NELL2: variants seen among roughly 807,000 people sequenced by gnomAD.
NELL2 encodes the protein neural EGFL like 2.
A neutral mutation model predicts 109.6 loss-of-function variants in NELL2; 41 were observed. That is an observed-to-expected ratio of 0.37 (90% CI 0.29 to 0.49). NELL2 has a LOEUF of 0.49. Among genes scored for constraint, NELL2 ranks in the 20% least tolerant of loss-of-function variants. NELL2 has a pLI of 0.98. For missense variants in NELL2, 900 were observed against 1,008.3 expected (o/e 0.89, Z 1.45); for synonymous variants, 355 against 344.7 (o/e 1.03, Z -0.33).
At chr12:44,704,142 T>A (rs1291829202) in intron 11 of NELL2, among the ~76,000 whole-genome samples, 1 of 151,930 alleles carries the variant, frequency 6.6e-6, no homozygotes, top group East Asian at 1.9e-4. Flanking sequence ...TCCATATATC[T>A]GAAAAAAAGA....
intron 2 of NELL2, among the ~76,000 whole-genome samples, chr12:44,850,372 G>A (rs1944498148): frequency 6.6e-6 from 1 of 152,058 alleles, no homozygotes; most frequent in African/African-American, 2.4e-5. Context: ...GAGATAGAGT[G>A]ACAAGGATGT....
chr12:44,574,594 A>C (rs1943999320), intron 15 of NELL2, among the ~76,000 whole-genome samples: 1 of 152,100 alleles, frequency 6.6e-6, no homozygotes, highest in Non-Finnish European at 1.5e-5. Context: ...TGGAGTTTGG[A>C]GTGATAAAGC....
chr12:44,868,432 T>C (rs368869150), intron 2 of NELL2, among the ~76,000 whole-genome samples: 218 of 152,340 alleles, frequency 1.4e-3, no homozygotes, highest in African/African-American at 5.1e-3. Flanking sequence ...CATTCATCCA[T>C]TGGTGACCAT....
Position 44,867,925 on chromosome 12 carries a change from G to T in NELL2, c.184+7300C>A, listed in dbSNP as rs140362708. Among the ~76,000 whole-genome samples, 740 of 152,024 alleles carry T rather than the reference G, an allele frequency of 4.9e-3. 6 individuals carry two copies. The highest frequency in any genetic ancestry group is 0.017 in the African/African-American group (687 of 41,472). On this transcript the variant is annotated intron_variant, in intron 2 of 19. Transcript: ENST00000429094. The stretch of plus-strand genomic sequence containing the variant: ...ACTTGAGGTGAGGAGTTCAAGACTG[G>T]CCTGGCCAACATGGTGAAACCCTGT...
At chr12:44,893,155 C>T (rs1218566852) in intron 1 of NELL2, among the ~76,000 whole-genome samples, 1 of 152,000 alleles carries the variant, frequency 6.6e-6, no homozygotes, top group Non-Finnish European at 1.5e-5. Context: ...CCTGTGAAGC[C>T]CCTAGAGAAG....
chr12:44,532,548 T>C lies in NELL2; in HGVS notation c.1804+33A>G, dbSNP rs778321480. 3.1e-6 allele frequency: 5 copies of C among 1,595,124 alleles called. No individual in the cohort carries two copies. The East Asian group carries it at 1.1e-4, about 36-fold the overall frequency. On this transcript the variant is annotated intron_variant, in intron 16 of 19. Coordinates refer to ENST00000429094, the MANE Select transcript of NELL2 (RefSeq NM_001145108.2). The stretch of plus-strand genomic sequence containing the variant: ...ATATATTCCTCAAGTTCAAGAGAAG[T>C]TCTTAAATTCTAGGTCTTCTCCTTG...
intron 2 of NELL2, among the ~76,000 whole-genome samples, chr12:44,862,881 G>A (rs1011551181): frequency 2.0e-5 from 3 of 152,032 alleles, no homozygotes; most frequent in African/African-American, 7.2e-5. Context: ...AAACTTACAG[G>A]ATTTATGGGA....
intron 3 of NELL2, among the ~76,000 whole-genome samples, chr12:44,791,098 T>TATATATATATAC (rs1807744529): frequency 1.2e-4 from 2 of 16,338 alleles, no homozygotes; most frequent in South Asian, 1.6e-3. Context: ...TATATATATG[T>TATATATATATAC]ATATATATAT....
chr12:44,641,936 A>G (rs1946873474), intron 13 of NELL2, among the ~76,000 whole-genome samples: 1 of 151,930 alleles, frequency 6.6e-6, no homozygotes, highest in African/African-American at 2.4e-5. Flanking sequence ...AGCTCAGGCA[A>G]TCCACCCACC....
chr12:44,620,148 A>C (rs1945999957), intron 13 of NELL2, among the ~76,000 whole-genome samples: 1 of 150,502 alleles, frequency 6.6e-6, no homozygotes, highest in Non-Finnish European at 1.5e-5. Flanking sequence ...ATGGCAAAGA[A>C]GAAGATAGAA....
chr12:44,681,033 CATTTTATTTATTTTT>C (rs1242054627), intron 12 of NELL2, among the ~76,000 whole-genome samples: 12 of 151,366 alleles, frequency 7.9e-5, no homozygotes, highest in Non-Finnish European at 1.3e-4. Context: ...GAACCAAATC[CATTTTATTTATTTTT>C]ATTTTATTTA....
intron 13 of NELL2, among the ~76,000 whole-genome samples, chr12:44,662,665 G>T (rs1047674711): frequency 1.3e-5 from 2 of 152,150 alleles, no homozygotes; most frequent in African/African-American, 4.8e-5. Context: ...AGAGTTACTA[G>T]GTTAAACAAA....
intron 13 of NELL2, among the ~76,000 whole-genome samples, chr12:44,632,912 A>C (rs1486316200): frequency 6.6e-6 from 1 of 152,024 alleles, no homozygotes; most frequent in Non-Finnish European, 1.5e-5. Flanking sequence ...TAACTAGGCC[A>C]TAGAGAGTAT....
At chr12:44,761,749 G>T (rs1022858747) in intron 9 of NELL2, among the ~76,000 whole-genome samples, 1 of 152,144 alleles carries the variant, frequency 6.6e-6, no homozygotes, top group African/African-American at 2.4e-5. Context: ...GGAGCTGGAG[G>T]CCATTAACCT....
At chr12:44,877,656 T>C (rs2136853377), upstream of NELL2, among the ~76,000 whole-genome samples, 1 of 152,264 alleles carries the variant, frequency 6.6e-6, no homozygotes. Context: ...GTGGAATACA[T>C]ATACTATATT....
rs200594145 is a variant in NELL2 at position 44,826,896 on chromosome 12, TATAAA to T, written c.185-10765_185-10761del. On this transcript the variant is annotated intron_variant, in intron 2 of 19. Transcript: ENST00000429094. ...TAAACCCTTATTTTAAATTAACCTTTATAAAAGTATATTCTGAAGATAAATAAATA... is the reference window on the plus strand; with the variant it reads ...TAAACCCTTATTTTAAATTAACCTTTAGTATATTCTGAAGATAAATAAATA... Among the ~76,000 whole-genome samples, 1,423 of 152,300 alleles carry T rather than the reference TATAAA, an allele frequency of 9.3e-3. 15 individuals carry two copies. The highest frequency in any genetic ancestry group is 0.032 in the African/African-American group (1,333 of 41,558).
At chr12:44,765,948 C>T (rs1335383703) in intron 9 of NELL2, among the ~76,000 whole-genome samples, 2 of 152,096 alleles carry the variant, frequency 1.3e-5, no homozygotes, top group Non-Finnish European at 1.5e-5. Context: ...GGCCAAACCC[C>T]ATCTCTACTA....
intron 1 of NELL2, among the ~76,000 whole-genome samples, chr12:44,891,883 A>G (rs1336311092): frequency 2.0e-5 from 3 of 152,258 alleles, no homozygotes; most frequent in Admixed American, 6.5e-5. Context: ...GGATCTCAGA[A>G]CAATATGTTT....
At chr12:44,759,859 A>C (rs1429659950) in intron 9 of NELL2, among the ~76,000 whole-genome samples, 4 of 152,132 alleles carry the variant, frequency 2.6e-5, no homozygotes, top group Non-Finnish European at 5.9e-5. Context: ...AAGGAGTGCC[A>C]CTTCCAAATT....
Sources: gnomAD v4.1 joint callset for allele counts (sites outside exome capture counted in the v4.1 genomes callset) on GRCh38, gnomAD v4.1.1 for gene constraint, MANE v1.5 for transcripts, NCBI Gene and HGNC (gene_info 2026-07-23, HGNC 2026-07-21) for gene names.